Variants in AGAP1 observed in about 807,000 individuals in gnomAD.
The protein encoded by AGAP1 is arf-GAP with GTPase, ANK repeat and PH domain-containing protein 1.
AGAP1 carries 29 observed loss-of-function variants against 105.3 expected under a neutral mutation model. That is an observed-to-expected ratio of 0.28 (90% CI 0.21 to 0.38). AGAP1 has a LOEUF of 0.38. AGAP1 is among the 10% of genes least tolerant of loss of function. AGAP1 has a pLI of 1.00. For synonymous variants in AGAP1, 509 were observed against 485.9 expected (o/e 1.05, Z -0.63); for missense variants, 998 against 1,165.1 (o/e 0.86, Z 2.09).
chr2:235,712,474 G>C lies in AGAP1; in HGVS notation c.222+3237G>C, dbSNP rs1559384630. On this transcript the variant is annotated intron_variant, in intron 2 of 17. Coordinates refer to ENST00000304032, the MANE Select transcript of AGAP1 (RefSeq NM_001037131.3). This position sits in a 1 kb window ranked among gnomAD's most constrained non-coding sequence, Gnocchi z 6.0. ...AAGGCACATAGGCTCTGGACATCTT[G>C]CCTGTGTAGGGGACCTCAGTCCCCA... Among the ~76,000 whole-genome samples, 1 of 152,210 alleles carries C rather than the reference G, an allele frequency of 6.6e-6. No homozygotes were observed. The highest frequency in any genetic ancestry group is 1.9e-4 in the East Asian group (1 of 5,192).
At chr2:235,786,524 G>A (rs1575461561) in intron 6 of AGAP1, among the ~76,000 whole-genome samples, 1 of 152,136 alleles carries the variant, frequency 6.6e-6, no homozygotes, top group Non-Finnish European at 1.5e-5. Flanking sequence ...TCAATTAAGT[G>A]GAATAATTAA....
At chr2:235,939,793 C>T (rs1480579789) in intron 12 of AGAP1, among the ~76,000 whole-genome samples, 1 of 152,158 alleles carries the variant, frequency 6.6e-6, no homozygotes, top group African/African-American at 2.4e-5. Flanking sequence ...TCCTGCTGCT[C>T]TCTGGCTGCC....
chr2:235,923,360 C>T (rs1248227353), intron 11 of AGAP1, among the ~76,000 whole-genome samples: 1 of 152,142 alleles, frequency 6.6e-6, no homozygotes, highest in Non-Finnish European at 1.5e-5. Flanking sequence ...ATTCCAATGA[C>T]ATTTTCTAGG....
chr2:235,726,949 G>T (rs1951677831), intron 3 of AGAP1, among the ~76,000 whole-genome samples: 1 of 152,158 alleles, frequency 6.6e-6, no homozygotes, highest in South Asian at 2.1e-4. Context: ...TGCCTGTGTT[G>T]GGTGGGCATC....
chr2:236,079,666 G>A (rs1026034623), intron 16 of AGAP1, among the ~76,000 whole-genome samples: 1 of 152,102 alleles, frequency 6.6e-6, no homozygotes, highest in Non-Finnish European at 1.5e-5. Context: ...GAGGAAGTGG[G>A]TTGCAGGGTC....
At chr2:235,895,261 C>A (rs1331018427) in intron 10 of AGAP1, among the ~76,000 whole-genome samples, 2 of 152,238 alleles carry the variant, frequency 1.3e-5, no homozygotes, top group African/African-American at 4.8e-5. Context: ...CCTTTGAGTT[C>A]TTTTATGTAT....
chr2:235,621,415 C>T lies in AGAP1; in HGVS notation c.164-87764C>T, dbSNP rs566428326. ...CTACCTCCCAGAGTGGTTGGGGTTA[C>T]GTGAAGTAAGCTTAGACACGGCCGA... On this transcript the variant is annotated intron_variant, in intron 1 of 17. Transcript: ENST00000304032. This position sits in a 1 kb window ranked among gnomAD's most constrained non-coding sequence, Gnocchi z 4.1. Among the ~76,000 whole-genome samples, 35 of 152,176 alleles carry T rather than the reference C, an allele frequency of 2.3e-4. No homozygotes were observed. Among genetic ancestry groups the T allele is most frequent in the South Asian group, 2.1e-4 (1 of 4,818 alleles).
chr2:235,656,981 T>A (rs1185670579), intron 1 of AGAP1, among the ~76,000 whole-genome samples: 2 of 152,244 alleles, frequency 1.3e-5, no homozygotes, highest in African/African-American at 4.8e-5. Context: ...TGCATGATTT[T>A]AAATGAATCC....
intron 12 of AGAP1, among the ~76,000 whole-genome samples, chr2:235,942,554 G>A (rs1009316942): frequency 5.9e-5 from 9 of 151,956 alleles, no homozygotes; most frequent in Admixed American, 2.6e-4. Context: ...GAACATGCCT[G>A]TAATCCCAGC....
rs969395658 is a variant in AGAP1, at chr2:235,908,823, C to T, written c.1241C>T (p.Thr414Met). 6.8e-6 allele frequency: 11 copies of T among 1,614,088 alleles called. No individual in the cohort carries two copies. The highest frequency in any genetic ancestry group is 2.2e-5 in the East Asian group (1 of 44,874). Residue 414 changes from threonine (T) to methionine (M), a missense_variant, in exon 11 of 18, where the codon ACG (threonine) becomes ATG (methionine). Thr to Met is a moderately conservative substitution (Grantham distance 81, BLOSUM62 -1). This residue lies in a region of AGAP1 where 735 missense variants were observed against 833.4 expected (regional missense o/e 0.88). Coordinates refer to ENST00000304032, the MANE Select transcript of AGAP1 (RefSeq NM_001037131.3). The surrounding 1 kb of genome is among the most constrained non-coding windows in gnomAD (Gnocchi z 4.4). The part of the protein sequence containing the change: ...KVPGKRPPRA[T>M]SACAPISSPK... ...CCAGGGAAGAGGCCACCCCGAGCCA[C>T]GTCAGCCTGCGCACCCATCTCCAGC...
At position 235,989,268 on chromosome 2, in the gene AGAP1, T is replaced by A. The variant is rs970304433; in HGVS notation, c.1645+20645T>A. 1.3e-5 allele frequency among the ~76,000 whole-genome samples: 2 copies of A among 152,136 alleles called. No individual in the cohort carries two copies. Among genetic ancestry groups the A allele is most frequent in the African/African-American group, 4.8e-5 (2 of 41,430 alleles). On this transcript the variant is annotated intron_variant, in intron 13 of 17. Transcript: ENST00000304032. The surrounding 1 kb of genome is among the most constrained non-coding windows in gnomAD (Gnocchi z 4.4). The stretch of plus-strand genomic sequence containing the variant: ...TTATTGACCAGGTACTGTGTAGAGG[T>A]CGCTGCTGCGTGTGGCTTCACCCAG...
intron 1 of AGAP1, among the ~76,000 whole-genome samples, chr2:235,590,727 T>C (rs1945306815): frequency 7.6e-6 from 1 of 131,814 alleles, no homozygotes; most frequent in Non-Finnish European, 1.6e-5. Context: ...TTTTTTTTTT[T>C]TTTTTTTTTT....
chr2:235,636,272 A>G (rs1196985236), intron 1 of AGAP1, among the ~76,000 whole-genome samples: 1 of 151,976 alleles, frequency 6.6e-6, no homozygotes, highest in Non-Finnish European at 1.5e-5. Flanking sequence ...TCCTTGGGGC[A>G]CCTTTCTGGG....
Position 236,040,736 on chromosome 2 carries a change from T to C in AGAP1, c.1801-15T>C. On this transcript the variant is annotated splice_polypyrimidine_tract_variant and intron_variant, in intron 14 of 17. Transcript: ENST00000304032. The surrounding 1 kb of genome is among the most constrained non-coding windows in gnomAD (Gnocchi z 5.6). Reference sequence around the variant, plus strand: ...GGTGCTTACGCCTTGTATTTGTGTCTTCCTCCGTGCCCAGTCCCGGCTGAC... The same window carrying C: ...GGTGCTTACGCCTTGTATTTGTGTCCTCCTCCGTGCCCAGTCCCGGCTGAC... 1 of 1,612,604 alleles carries C rather than the reference T, an allele frequency of 6.2e-7. No individual in the cohort carries two copies. Among genetic ancestry groups the C allele is most frequent in the South Asian group, 1.1e-5 (1 of 91,002 alleles).
intron 12 of AGAP1, among the ~76,000 whole-genome samples, chr2:235,948,169 G>GT (rs139034116): frequency 0.044 from 6,650 of 151,938 alleles, 204 homozygotes; most frequent in South Asian, 0.13. Context: ...GTTTTCTGGG[G>GT]TTTTTTTTGT....
In AGAP1 at chr2:235,614,313, A is replaced by T. The variant is rs1451945552; in HGVS notation, c.164-94866A>T. 6.6e-6 allele frequency among the ~76,000 whole-genome samples: 1 copy of T among 151,984 alleles called. No homozygotes were observed. Among genetic ancestry groups the T allele is most frequent in the Non-Finnish European group, 1.5e-5 (1 of 68,012 alleles). ...CTGGAGCGTGTATAACAAAAGTGGGATCCGGAAAGGGCTGCTGGCGAGTGG... is the reference window on the plus strand; with the variant it reads ...CTGGAGCGTGTATAACAAAAGTGGGTTCCGGAAAGGGCTGCTGGCGAGTGG... On this transcript the variant is annotated intron_variant, in intron 1 of 17. Coordinates refer to ENST00000304032, the MANE Select transcript of AGAP1 (RefSeq NM_001037131.3). This position sits in a 1 kb window ranked among gnomAD's most constrained non-coding sequence, Gnocchi z 4.7.
chr2:235,832,699 G>A (rs538024799), intron 9 of AGAP1, among the ~76,000 whole-genome samples: 11 of 152,306 alleles, frequency 7.2e-5, no homozygotes, highest in African/African-American at 1.7e-4. Flanking sequence ...TAGGGAAGTC[G>A]TTGCCTGTTG....
In AGAP1 at chr2:235,905,041, T is replaced by C. The variant is rs1262869711; in HGVS notation, c.1156-3697T>C. ...AACTCAGGCAAGAAAACAGATCCCT[T>C]AGCCCATGCTGAGCTAAAGATAAAT... On this transcript the variant is annotated intron_variant, in intron 10 of 17. Coordinates refer to ENST00000304032, the MANE Select transcript of AGAP1 (RefSeq NM_001037131.3). The surrounding 1 kb of genome is among the most constrained non-coding windows in gnomAD (Gnocchi z 4.2). Among the ~76,000 whole-genome samples, 2 of 152,200 alleles carry C rather than the reference T, an allele frequency of 1.3e-5. No individual in the cohort carries two copies. Among genetic ancestry groups the C allele is most frequent in the East Asian group, 1.9e-4 (1 of 5,190 alleles).
At chr2:235,946,052 T>G (rs2125238906) in intron 12 of AGAP1, among the ~76,000 whole-genome samples, 1 of 151,648 alleles carries the variant, frequency 6.6e-6, no homozygotes, top group East Asian at 1.9e-4. Flanking sequence ...GAGACCTGGG[T>G]GGAGACACAG....
Sources: gnomAD v4.1 joint callset for allele counts (sites outside exome capture counted in the v4.1 genomes callset) on GRCh38, gnomAD v4.1.1 for gene constraint, gnomAD v4.1.1 regional missense constraint, Gnocchi (gnomAD v3.1) non-coding constraint, MANE v1.5 for transcripts, NCBI Gene and HGNC (gene_info 2026-07-23, HGNC 2026-07-21) for gene names.